Variants in TBL1XR1 observed in about 807,000 individuals in gnomAD.
TBL1XR1 encodes the protein F-box-like/WD repeat-containing protein TBL1XR1.
A neutral mutation model predicts 66.9 loss-of-function variants in TBL1XR1; 5 were observed. The ratio of observed to expected loss-of-function variants is 0.07; its 90% CI spans 0.04 to 0.16. The LOEUF is 0.16. TBL1XR1 is among the 10% of genes least tolerant of loss of function. TBL1XR1 has a pLI of 1.00. For missense variants in TBL1XR1, 238 were observed against 623.2 expected (o/e 0.38, Z 6.58); for synonymous variants, 210 against 206.0 (o/e 1.02, Z -0.17).
At chr3:177,058,115 G>A (rs1718037384) in intron 3 of TBL1XR1, among the ~76,000 whole-genome samples, 1 of 152,154 alleles carries the variant, frequency 6.6e-6, no homozygotes, top group Non-Finnish European at 1.5e-5. Context: ...GGTACAGGAT[G>A]ACTAGATGAG....
chr3:177,192,910 TGGGA>T (rs1035065279), intron 1 of TBL1XR1, among the ~76,000 whole-genome samples: 5 of 152,138 alleles, frequency 3.3e-5, no homozygotes, highest in Non-Finnish European at 5.9e-5. Flanking sequence ...CCCAGCCCTT[TGGGA>T]GGCCGAGGCA....
chr3:177,050,268 T>C (rs1716878952), intron 6 of TBL1XR1, 130 bp from the exon 7 acceptor site: 2 of 1,336,138 alleles, frequency 1.5e-6, no homozygotes, highest in Non-Finnish European at 2.0e-6. Context: ...TTCCAGTATT[T>C]TTCCCATTCT....
intron 1 of TBL1XR1, among the ~76,000 whole-genome samples, chr3:177,123,491 A>G (rs1241083576): frequency 6.6e-6 from 1 of 152,132 alleles, no homozygotes; most frequent in Non-Finnish European, 1.5e-5. Flanking sequence ...TAAACATGGA[A>G]GAGGCTAAGC....
chr3:177,200,630 A>G (rs1180974801), upstream of TBL1XR1, among the ~76,000 whole-genome samples: 2 of 152,218 alleles, frequency 1.3e-5, no homozygotes, highest in Admixed American at 6.5e-5. Flanking sequence ...TAACACTCCC[A>G]TTACACTTTG....
intron 2 of TBL1XR1, among the ~76,000 whole-genome samples, chr3:177,071,094 G>A (rs985784421): frequency 3.5e-5 from 5 of 141,076 alleles, no homozygotes; most frequent in Admixed American, 7.4e-5. Flanking sequence ...GTGGTGGTGC[G>A]ATCTCGGCTC....
chr3:177,109,373 G>A (rs1725277957), intron 1 of TBL1XR1, among the ~76,000 whole-genome samples: 1 of 152,066 alleles, frequency 6.6e-6, no homozygotes, highest in African/African-American at 2.4e-5. Flanking sequence ...AGAATAGGAA[G>A]AAATGTAATT....
At chr3:177,165,837 C>T (rs1732756184) in intron 1 of TBL1XR1, among the ~76,000 whole-genome samples, 1 of 152,172 alleles carries the variant, frequency 6.6e-6, no homozygotes, top group African/African-American at 2.4e-5. Flanking sequence ...GTGGCTCACA[C>T]CTGTAATCCC....
chr3:177,060,631 A>G (rs1196906945), intron 3 of TBL1XR1, among the ~76,000 whole-genome samples: 1 of 152,232 alleles, frequency 6.6e-6, no homozygotes, highest in African/African-American at 2.4e-5. Context: ...AAGTTCAAAA[A>G]TAACTGCCAG....
intron 1 of TBL1XR1, among the ~76,000 whole-genome samples, chr3:177,155,624 T>A (rs981928264): frequency 6.6e-6 from 1 of 152,194 alleles, no homozygotes; most frequent in Non-Finnish European, 1.5e-5. Context: ...AGAAAGATAG[T>A]TTTTTTCTTT....
intron 2 of TBL1XR1, among the ~76,000 whole-genome samples, chr3:177,086,417 G>C (rs775477847): frequency 2.0e-5 from 3 of 151,920 alleles, no homozygotes; most frequent in Non-Finnish European, 4.4e-5. Context: ...ACATGAAACG[G>C]TGGGGGAGGG....
At chr3:177,187,522 T>C (rs1195887854) in intron 1 of TBL1XR1, among the ~76,000 whole-genome samples, 1 of 152,160 alleles carries the variant, frequency 6.6e-6, no homozygotes, top group Non-Finnish European at 1.5e-5. Context: ...TAGACATTTA[T>C]AGAAGCTAAG....
chr3:177,104,116 C>CA (rs955890570), intron 1 of TBL1XR1, among the ~76,000 whole-genome samples: 1,992 of 111,182 alleles, frequency 0.018, 50 homozygotes, highest in African/African-American at 0.061. Context: ...ACTCGGTCTC[C>CA]AAAAAAAAAA....
chr3:177,100,416 G>A (rs374006997), intron 1 of TBL1XR1, among the ~76,000 whole-genome samples: 16 of 149,984 alleles, frequency 1.1e-4, no homozygotes, highest in Non-Finnish European at 2.4e-4. Flanking sequence ...AACACCAACA[G>A]TGAATAATGT....
At chr3:177,119,577 T>A (rs1329475043) in intron 1 of TBL1XR1, among the ~76,000 whole-genome samples, 2 of 152,206 alleles carry the variant, frequency 1.3e-5, no homozygotes, top group Non-Finnish European at 2.9e-5. Flanking sequence ...CAACAGAAAT[T>A]GTTGAAATTT....
intron 1 of TBL1XR1, among the ~76,000 whole-genome samples, chr3:177,178,724 C>T (rs1734446399): frequency 6.6e-6 from 1 of 152,000 alleles, no homozygotes; most frequent in Non-Finnish European, 1.5e-5. Context: ...GGAGATGGGA[C>T]CATATTTTAA....
rs367992515 is a variant in TBL1XR1 at position 177,108,023 on chromosome 3, C to CAA, written c.-121-9484_-121-9483dup. ...TTACTCTTTCTAATAAAACTTTATT[C>CAA]AAAAAAAAAAAAGATAACACACCAG... On this transcript the variant is annotated intron_variant, in intron 1 of 15. Transcript: ENST00000457928. Among the ~76,000 whole-genome samples, 172 of 145,268 alleles carry CAA rather than the reference C, an allele frequency of 1.2e-3. 1 individual carries two copies. The highest frequency in any genetic ancestry group is 3.4e-3 in the Admixed American group (49 of 14,558).
At chr3:177,078,669 G>A (rs924918975) in intron 2 of TBL1XR1, 2 of 152,098 alleles carry the variant, frequency 1.3e-5, no homozygotes, top group African/African-American at 4.8e-5. Context: ...TATCGGCTGG[G>A]TGCGGTGGCT....
chr3:177,148,644 G>A lies in TBL1XR1; in HGVS notation c.-122+48477C>T, dbSNP rs186352694. Among the ~76,000 whole-genome samples, 5 of 150,836 alleles carry A rather than the reference G, an allele frequency of 3.3e-5. No homozygotes were observed. In the South Asian group the frequency reaches 1.1e-3, roughly 32 times the overall value. Reference sequence around the variant, plus strand: ...GCAGGAGAATCACTTGAACCCAGGAGGGGGAGATTGCAGTGAGCCGAGATC... The same window carrying A: ...GCAGGAGAATCACTTGAACCCAGGAAGGGGAGATTGCAGTGAGCCGAGATC... On this transcript the variant is annotated intron_variant, in intron 1 of 15. Coordinates refer to ENST00000457928, the MANE Select transcript of TBL1XR1 (RefSeq NM_024665.7).
chr3:177,082,949 G>A (rs1283051103), intron 2 of TBL1XR1, among the ~76,000 whole-genome samples: 3 of 150,950 alleles, frequency 2.0e-5, no homozygotes, highest in Admixed American at 6.6e-5. Flanking sequence ...TAGTAGAGAC[G>A]TGGTTTCAAC....
Sources: gnomAD v4.1 joint callset for allele counts (sites outside exome capture counted in the v4.1 genomes callset) on GRCh38, gnomAD v4.1.1 for gene constraint, MANE v1.5 for transcripts, NCBI Gene and HGNC (gene_info 2026-07-23, HGNC 2026-07-21) for gene names.